Variants in SLIT3 observed in about 807,000 individuals in gnomAD.
SLIT3 encodes the protein slit guidance ligand 3.
Under a neutral mutation model 184.0 loss-of-function variants are expected in SLIT3, and 68 were observed. The ratio of observed to expected loss-of-function variants is 0.37; its 90% CI spans 0.30 to 0.45. The LOEUF is 0.45. SLIT3 is among the 20% of genes least tolerant of loss of function. SLIT3 has a pLI of 1.00. For missense variants in SLIT3, 1,707 were observed against 2,026.0 expected (o/e 0.84, Z 3.02); for synonymous variants, 831 against 828.6 (o/e 1.00, Z -0.05).
intron 6 of SLIT3, among the ~76,000 whole-genome samples, chr5:168,828,073 C>T (rs185441889): frequency 6.6e-6 from 1 of 152,114 alleles, no homozygotes; most frequent in African/African-American, 2.4e-5. Flanking sequence ...CATAACTGCT[C>T]GGAAAGAAGA....
chr5:169,230,817 T>G (rs920808865), intron 3 of SLIT3, among the ~76,000 whole-genome samples: 3 of 150,872 alleles, frequency 2.0e-5, no homozygotes, highest in Non-Finnish European at 4.5e-5. Context: ...GACTTTCAGA[T>G]TTTTTCCTCT....
At chr5:168,720,347 A>T (rs1247382071) in intron 23 of SLIT3, 1 of 149,400 alleles carries the variant, frequency 6.7e-6, no homozygotes, top group Non-Finnish European at 1.5e-5. Flanking sequence ...AACCCTGGTC[A>T]GGCTGGTGGT....
chr5:168,917,957 G>A (rs987671378), intron 4 of SLIT3, among the ~76,000 whole-genome samples: 3 of 152,188 alleles, frequency 2.0e-5, no homozygotes, highest in African/African-American at 7.2e-5. Context: ...GAAAGAGGGA[G>A]TATGGATTAT....
intron 20 of SLIT3, among the ~76,000 whole-genome samples, chr5:168,731,902 C>A (rs890192459): frequency 2.0e-5 from 3 of 152,062 alleles, no homozygotes; most frequent in Non-Finnish European, 4.4e-5. Context: ...GACAAGAATA[C>A]CCACTTTGAC....
At chr5:169,084,530 ACTC>A (rs901851102) in intron 4 of SLIT3, among the ~76,000 whole-genome samples, 4 of 142,944 alleles carry the variant, frequency 2.8e-5, no homozygotes, top group Non-Finnish European at 3.0e-5. Context: ...CTGGTTGGAA[ACTC>A]CTGACCTCAG....
chr5:169,111,182 C>T (rs183459904), intron 4 of SLIT3, among the ~76,000 whole-genome samples: 14 of 152,328 alleles, frequency 9.2e-5, no homozygotes, highest in African/African-American at 3.4e-4. Flanking sequence ...AGGGAGCCTT[C>T]CCTGCCCTGG....
rs1438154539 is a variant in SLIT3, at chr5:169,015,982, A to C, written c.414-132646T>G. 7.5e-3 allele frequency among the ~76,000 whole-genome samples: 607 copies of C among 81,378 alleles called. 6 individuals carry two copies. Among genetic ancestry groups the C allele is most frequent in the East Asian group, 0.058 (75 of 1,304 alleles). The allele number at this position is 81,378 out of a possible 152,430, so 53.4% of individuals were successfully genotyped here. On this transcript the variant is annotated intron_variant, in intron 4 of 35. Coordinates refer to ENST00000519560, the MANE Select transcript of SLIT3 (RefSeq NM_003062.4). ...CACACACACACACACACACACACACACACAACTTTCTGTCTGCCCCCTTGC... is the reference window on the plus strand; with the variant it reads ...CACACACACACACACACACACACACCCACAACTTTCTGTCTGCCCCCTTGC...
At chr5:169,127,191 T>C (rs549415021) in intron 4 of SLIT3, among the ~76,000 whole-genome samples, 52 of 152,216 alleles carry the variant, frequency 3.4e-4, no homozygotes, top group Admixed American at 1.8e-3. Flanking sequence ...AGAGTACCAA[T>C]GAGGACAATC....
At chr5:168,741,127 T>C (rs1763620927) in intron 20 of SLIT3, among the ~76,000 whole-genome samples, 2 of 152,086 alleles carry the variant, frequency 1.3e-5, no homozygotes, top group Admixed American at 1.3e-4. Context: ...AGCCCTAGTT[T>C]CAGTTTTTCT....
intron 1 of SLIT3, among the ~76,000 whole-genome samples, chr5:169,262,311 T>C (rs996926377): frequency 1.3e-5 from 2 of 152,076 alleles, no homozygotes; most frequent in Non-Finnish European, 2.9e-5. Context: ...AGAATAAAGA[T>C]ATGGTGAGAG....
At chr5:168,843,779 T>C (rs1389513665) in intron 6 of SLIT3, among the ~76,000 whole-genome samples, 1 of 152,236 alleles carries the variant, frequency 6.6e-6, no homozygotes, top group African/African-American at 2.4e-5. Flanking sequence ...CAAAATGTTT[T>C]CTTACACAAT....
chr5:168,773,400 TATC>T (rs1430544623), intron 13 of SLIT3, among the ~76,000 whole-genome samples: 1 of 152,152 alleles, frequency 6.6e-6, no homozygotes, highest in African/African-American at 2.4e-5. Flanking sequence ...TAATTATCCT[TATC>T]ATCATAAGAG....
chr5:168,731,378 C>T (rs773609769), intron 20 of SLIT3, among the ~76,000 whole-genome samples: 1 of 151,800 alleles, frequency 6.6e-6, no homozygotes, highest in East Asian at 1.9e-4. Context: ...AACAAGCACA[C>T]AAAAAACTAG....
chr5:169,023,473 A>G (rs964176448), intron 4 of SLIT3, among the ~76,000 whole-genome samples: 2 of 152,124 alleles, frequency 1.3e-5, no homozygotes, highest in Non-Finnish European at 1.5e-5. Flanking sequence ...GGGTTGTAGG[A>G]TATGTGCATT....
intron 9 of SLIT3, among the ~76,000 whole-genome samples, chr5:168,801,566 G>A (rs1258396456): frequency 6.6e-6 from 1 of 152,198 alleles, no homozygotes; most frequent in African/African-American, 2.4e-5. Flanking sequence ...CCACCATGGG[G>A]AGATACAGAG....
In SLIT3 at chr5:168,748,362, C is replaced by T. The variant is rs1230535907; in HGVS notation, c.2210G>A (p.Arg737Gln). The part of the protein sequence containing the change: ...EQCTCMETVV[R>Q]CSNKGLRALP... ...GGCGCGGAGCCCCTTGTTGCTGCATCGCACCACTGTCTCCATACAGGTGCA... is the reference window on the plus strand; with the variant it reads ...GGCGCGGAGCCCCTTGTTGCTGCATTGCACCACTGTCTCCATACAGGTGCA... Residue 737 changes from arginine to glutamine, a missense_variant, in exon 20 of 36, where the codon CGA becomes CAA. Transcript: ENST00000519560. The T allele has an allele frequency of 1.3e-6, 2 of 1,504,934 alleles. No individual in the cohort carries two copies. Among genetic ancestry groups the T allele is most frequent in the Non-Finnish European group, 8.8e-7 (1 of 1,135,426 alleles). The allele number at this position is 1,504,934 out of a possible 1,614,324, so 93.2% of individuals were successfully genotyped here.
chr5:168,861,187 A>G (rs550291207), intron 5 of SLIT3, among the ~76,000 whole-genome samples: 3 of 152,166 alleles, frequency 2.0e-5, no homozygotes, highest in East Asian at 1.9e-4. Flanking sequence ...TACATGTGCC[A>G]TGTTGGTGTG....
intron 2 of SLIT3, among the ~76,000 whole-genome samples, chr5:169,247,708 G>A (rs182383199): frequency 6.3e-4 from 96 of 151,910 alleles, no homozygotes; most frequent in Admixed American, 1.3e-3. Context: ...TGTCACCCAC[G>A]CTGGAGTGCA....
chr5:168,715,005 C>T (rs532874197), intron 23 of SLIT3, among the ~76,000 whole-genome samples: 5 of 152,284 alleles, frequency 3.3e-5, no homozygotes, highest in Admixed American at 6.5e-5. Context: ...CTAGGTCCTA[C>T]GGTTAATACA....
Sources: gnomAD v4.1 joint callset for allele counts (sites outside exome capture counted in the v4.1 genomes callset) on GRCh38, gnomAD v4.1.1 for gene constraint, MANE v1.5 for transcripts, NCBI Gene and HGNC (gene_info 2026-07-23, HGNC 2026-07-21) for gene names.